SGCZ: variants seen among roughly 807,000 people sequenced by gnomAD.
The protein encoded by SGCZ is sarcoglycan zeta, also known as zeta-sarcoglycan.
SGCZ carries 40 observed loss-of-function variants against 41.3 expected under a neutral mutation model. That is an observed-to-expected ratio of 0.97 (90% CI 0.75 to 1.26). The LOEUF is 1.26. Ranked by LOEUF, SGCZ falls within the 50% of genes most tolerant of loss-of-function variation. The pLI is 0.00. For synonymous variants in SGCZ, 206 were observed against 137.5 expected (o/e 1.50, Z -3.49); for missense variants, 552 against 369.8 (o/e 1.49, Z -4.04).
intron 4 of SGCZ, among the ~76,000 whole-genome samples, chr8:14,212,681 G>T (rs901645212): frequency 1.3e-5 from 2 of 152,044 alleles, no homozygotes; most frequent in Non-Finnish European, 2.9e-5. Context: ...ACTCATCATA[G>T]CAAGAAGAAG....
intron 1 of SGCZ, among the ~76,000 whole-genome samples, chr8:14,930,527 A>T (rs901488166): frequency 6.6e-6 from 1 of 152,044 alleles, no homozygotes; most frequent in Non-Finnish European, 1.5e-5. Context: ...CTATAAAGAC[A>T]CATGCCCATG....
chr8:14,981,019 A>C (rs1585434015), intron 1 of SGCZ, among the ~76,000 whole-genome samples: 1 of 152,174 alleles, frequency 6.6e-6, no homozygotes, highest in Non-Finnish European at 1.5e-5. Flanking sequence ...CAATTCACCA[A>C]AAATCGGACT....
At chr8:14,332,348 G>A (rs940723898) in intron 2 of SGCZ, among the ~76,000 whole-genome samples, 4 of 152,160 alleles carry the variant, frequency 2.6e-5, no homozygotes, top group Admixed American at 6.5e-5. Flanking sequence ...GGTTGGGGCA[G>A]GAGAATGGTG....
chr8:14,992,106 CA>C (rs1165098042), intron 1 of SGCZ, among the ~76,000 whole-genome samples: 2 of 149,720 alleles, frequency 1.3e-5, no homozygotes, highest in Non-Finnish European at 3.0e-5. Context: ...AATCTACTCC[CA>C]AATCTATTCC....
chr8:14,776,321 G>C (rs1800399897), intron 1 of SGCZ, among the ~76,000 whole-genome samples: 1 of 151,946 alleles, frequency 6.6e-6, no homozygotes, highest in Admixed American at 6.6e-5. Flanking sequence ...TAAGCCTCAT[G>C]AGATCTAATG....
chr8:14,155,319 G>A lies in SGCZ; in HGVS notation c.547+9261C>T, dbSNP rs867541389. ...TAGAAGTTTTTTTTCTTCCTTTAAC[G>A]TCTTATCAGATGTTGCCTGATGTCT... On this transcript the variant is annotated intron_variant, in intron 5 of 7. Transcript: ENST00000382080. 4.6e-5 allele frequency among the ~76,000 whole-genome samples: 7 copies of A among 151,936 alleles called. No homozygotes were observed. The South Asian group carries it at 6.2e-4, about 14-fold the overall frequency.
intron 1 of SGCZ, among the ~76,000 whole-genome samples, chr8:14,839,672 A>T (rs10104703): frequency 6.6e-6 from 1 of 151,874 alleles, no homozygotes; most frequent in African/African-American, 2.4e-5. Context: ...CTTTTTAAGG[A>T]CTTTTTTGTT....
At chr8:14,745,289 G>A (rs950336401) in intron 1 of SGCZ, among the ~76,000 whole-genome samples, 1 of 152,086 alleles carries the variant, frequency 6.6e-6, no homozygotes, top group Non-Finnish European at 1.5e-5. Flanking sequence ...TATGTCCAAG[G>A]TGCCAAATGC....
chr8:15,076,306 G>A (rs1457675419), intron 1 of SGCZ, among the ~76,000 whole-genome samples: 3 of 152,118 alleles, frequency 2.0e-5, no homozygotes, highest in African/African-American at 4.8e-5. Flanking sequence ...TGTTAGAGGT[G>A]ATATGGGTAA....
chr8:14,464,067 T>G (rs1472386779), intron 2 of SGCZ, among the ~76,000 whole-genome samples: 1 of 151,644 alleles, frequency 6.6e-6, no homozygotes, highest in Non-Finnish European at 1.5e-5. Context: ...AAGGAATACT[T>G]GTCTCTAGTT....
In SGCZ at chr8:14,086,751, G is replaced by C. The variant is rs1801532924; in HGVS notation, c.*3692C>G. 6.6e-6 allele frequency among the ~76,000 whole-genome samples: 1 copy of C among 151,642 alleles called. No homozygotes were observed. The highest frequency in any genetic ancestry group is 1.5e-5 in the Non-Finnish European group (1 of 67,720). On this transcript the variant is annotated 3_prime_UTR_variant, in exon 8 of 8. Transcript: ENST00000382080. ...AGAGTGTAAAAGGGAGTATAAAAAA[G>C]AGCATAGGAAGTAGCGTGCCAAAAA...
intron 1 of SGCZ, among the ~76,000 whole-genome samples, chr8:14,906,491 T>C (rs1440404724): frequency 6.6e-6 from 1 of 152,186 alleles, no homozygotes; most frequent in Admixed American, 6.5e-5. Flanking sequence ...CAATTAAAAT[T>C]ATTGTTTTAT....
At chr8:14,203,997 G>T (rs1783100247) in intron 4 of SGCZ, among the ~76,000 whole-genome samples, 1 of 151,946 alleles carries the variant, frequency 6.6e-6, no homozygotes, top group Admixed American at 6.6e-5. Flanking sequence ...GCTCCAAGAA[G>T]AAAGAATAAT....
chr8:14,334,792 GAATCTA>G (rs1211875565), intron 2 of SGCZ, among the ~76,000 whole-genome samples: 1 of 151,962 alleles, frequency 6.6e-6, no homozygotes, highest in Non-Finnish European at 1.5e-5. Flanking sequence ...TGTTTTAAAG[GAATCTA>G]AATCTATGTT....
At chr8:14,687,462 G>C (rs1211651003) in intron 1 of SGCZ, among the ~76,000 whole-genome samples, 1 of 151,006 alleles carries the variant, frequency 6.6e-6, no homozygotes, top group African/African-American at 2.4e-5. Flanking sequence ...TTTTGTCCTT[G>C]CGAAAGTTTA....
rs1805893656 is a variant in SGCZ at position 15,084,896 on chromosome 8, T to C, written c.39+152689A>G. 2.0e-5 allele frequency among the ~76,000 whole-genome samples: 3 copies of C among 152,212 alleles called. No homozygotes were observed. The South Asian group carries it at 6.2e-4, about 32-fold the overall frequency. On this transcript the variant is annotated intron_variant, in intron 1 of 7. Transcript: ENST00000382080. Reference sequence around the variant, plus strand: ...TAACATTGATAAGTTGAAGACTGACTTTATCTTATGAAACCACACCAAATG... The same window carrying C: ...TAACATTGATAAGTTGAAGACTGACCTTATCTTATGAAACCACACCAAATG...
rs568577997 is a variant in SGCZ at position 14,987,832 on chromosome 8, G to T, written c.39+249753C>A. On this transcript the variant is annotated intron_variant, in intron 1 of 7. Transcript: ENST00000382080. The stretch of plus-strand genomic sequence containing the variant: ...TCAGGCAACAATTTCATTGCATAAA[G>T]TTACATATCAATTAATACGTGTATT... 9.7e-4 allele frequency among the ~76,000 whole-genome samples: 148 copies of T among 152,050 alleles called. 1 individual carries two copies. Among genetic ancestry groups the T allele is most frequent in the African/African-American group, 3.4e-3 (143 of 41,534 alleles).
chr8:14,678,953 C>A (rs532228114), intron 1 of SGCZ, among the ~76,000 whole-genome samples: 7 of 152,210 alleles, frequency 4.6e-5, no homozygotes, highest in African/African-American at 1.4e-4. Flanking sequence ...CTGTAAGATT[C>A]CAAATACAGC....
At position 14,413,114 on chromosome 8, in the gene SGCZ, G is replaced by C. The variant is rs115307422; in HGVS notation, c.235-88910C>G. 6.0e-3 allele frequency among the ~76,000 whole-genome samples: 908 copies of C among 152,046 alleles called. 15 individuals are homozygous for C. The highest frequency in any genetic ancestry group is 0.021 in the African/African-American group (878 of 41,510). ...AAATTGACCAAGTTCGCATCATTAA[G>C]TTTAAACTTCTTATCAATATCTTTT... is the stretch of plus-strand genomic sequence containing the variant. On this transcript the variant is annotated intron_variant, in intron 2 of 7. Coordinates refer to ENST00000382080, the MANE Select transcript of SGCZ (RefSeq NM_139167.4).
Sources: gnomAD v4.1 joint callset for allele counts (sites outside exome capture counted in the v4.1 genomes callset) on GRCh38, gnomAD v4.1.1 for gene constraint, MANE v1.5 for transcripts, NCBI Gene and HGNC (gene_info 2026-07-23, HGNC 2026-07-21) for gene names.